ZFHX3: variants seen among roughly 807,000 people sequenced by gnomAD.
ZFHX3 encodes zinc finger homeobox 3.
A neutral mutation model predicts 279.1 loss-of-function variants in ZFHX3; 42 were observed. The ratio of observed to expected loss-of-function variants is 0.15; its 90% CI spans 0.12 to 0.19. The LOEUF (loss-of-function observed/expected upper bound fraction) is 0.19. ZFHX3 is among the 10% of genes least tolerant of loss of function. The pLI, the probability that ZFHX3 is intolerant of heterozygous loss-of-function variation, is 1.00. For synonymous variants in ZFHX3, 2,293 were observed against 1,957.8 expected, an observed-to-expected ratio of 1.17 and a Z score of -4.52; for missense variants, 4,981 against 4,754.0, an observed-to-expected ratio of 1.05 and a Z score of -1.40.
intron 2 of ZFHX3, among the ~76,000 whole-genome samples, chr16:73,544,572 C>T (rs983885800): frequency 6.6e-6 from 1 of 151,998 alleles, no homozygotes; most frequent in African/African-American, 2.4e-5. Context: ...CCAGAAACCT[C>T]GAGGGAAAGA....
chr16:73,084,818 C>T (rs958700985), intron 8 of ZFHX3, among the ~76,000 whole-genome samples: 1 of 152,066 alleles, frequency 6.6e-6, no homozygotes, highest in African/African-American at 2.4e-5. Context: ...CCGCGTCTGG[C>T]CATACCTAGA....
At chr16:73,855,216 C>CTTT (rs1032892286) in intron 1 of ZFHX3, among the ~76,000 whole-genome samples, 157 of 111,474 alleles carry the variant, frequency 1.4e-3, no homozygotes, top group East Asian at 4.4e-3. Context: ...AGGCGTTAGC[C>CTTT]TTTTTTTTTT....
chr16:73,491,401 G>A (rs1360220873), intron 2 of ZFHX3, among the ~76,000 whole-genome samples: 2 of 152,218 alleles, frequency 1.3e-5, no homozygotes, highest in Admixed American at 6.5e-5. Flanking sequence ...CACAGAGCAT[G>A]CAGATAGCTG....
At chr16:73,017,134 A>C (rs1964129784) in intron 1 of ZFHX3, among the ~76,000 whole-genome samples, 1 of 151,756 alleles carries the variant, frequency 6.6e-6, no homozygotes, top group African/African-American at 2.4e-5. Flanking sequence ...GTGCTGAGGC[A>C]GGAAGATCAC....
At chr16:73,386,571 G>A (rs1168559223) in intron 3 of ZFHX3, among the ~76,000 whole-genome samples, 4 of 152,166 alleles carry the variant, frequency 2.6e-5, no homozygotes, top group African/African-American at 9.6e-5. Flanking sequence ...TTTTCATAGG[G>A]AGCAATTCCT....
chr16:73,282,143 AT>A (rs917738228), intron 4 of ZFHX3, among the ~76,000 whole-genome samples: 16 of 152,080 alleles, frequency 1.1e-4, no homozygotes, highest in Non-Finnish European at 1.5e-4. Flanking sequence ...TTCCCTTTGT[AT>A]TTTTCCCCCA....
intron 5 of ZFHX3, among the ~76,000 whole-genome samples, chr16:73,198,355 T>G (rs534226178): frequency 6.6e-6 from 1 of 152,078 alleles, no homozygotes; most frequent in East Asian, 1.9e-4. Context: ...TTTTTTTTTT[T>G]TTTGAAGTTT....
chr16:72,823,657 A>G (rs1039912557), intron 5 of ZFHX3, among the ~76,000 whole-genome samples: 2 of 152,240 alleles, frequency 1.3e-5, no homozygotes, highest in African/African-American at 4.8e-5. Context: ...GAAAGTTATT[A>G]GCATTCCAAC....
chr16:73,616,388 A>G (rs1042760827), intron 2 of ZFHX3, among the ~76,000 whole-genome samples: 1 of 139,210 alleles, frequency 7.2e-6, no homozygotes, highest in African/African-American at 2.7e-5. Context: ...GTCTAAGTGG[A>G]GCATACTAGA....
At chr16:72,864,593 T>A (rs908956054) in intron 4 of ZFHX3, among the ~76,000 whole-genome samples, 11 of 152,192 alleles carry the variant, frequency 7.2e-5, no homozygotes, top group African/African-American at 2.7e-4. Flanking sequence ...AATCTTTCTC[T>A]AAACTTGTGA....
chr16:73,031,908 C>T (rs1276872222), intron 1 of ZFHX3, among the ~76,000 whole-genome samples: 1 of 151,720 alleles, frequency 6.6e-6, no homozygotes, highest in Non-Finnish European at 1.5e-5. Context: ...GGCAGCACCC[C>T]AATAGAATGC....
At chr16:73,751,936 A>C (rs1010255722) in intron 1 of ZFHX3, among the ~76,000 whole-genome samples, 25 of 152,200 alleles carry the variant, frequency 1.6e-4, no homozygotes, top group African/African-American at 5.8e-4. Flanking sequence ...ATGAGAAAAG[A>C]AGCCAGGTCA....
Position 73,496,517 on chromosome 16 carries a change from C to A in ZFHX3, c.-1546-40259G>T, listed in dbSNP as rs191752147. Among the ~76,000 whole-genome samples the A allele has an allele frequency of 2.0e-5, 3 of 152,240 alleles. No individual in the cohort carries two copies. In the South Asian group the frequency reaches 6.2e-4, roughly 32 times the overall value. On this transcript the variant is annotated intron_variant, in intron 2 of 17. Transcript: ENST00000641206. ...CTGCACTCCAGCCTGGGAGACACAGCGAGACTCCATCTTAAACAAACAAAC... is the reference window on the plus strand; with the variant it reads ...CTGCACTCCAGCCTGGGAGACACAGAGAGACTCCATCTTAAACAAACAAAC...
intron 4 of ZFHX3, among the ~76,000 whole-genome samples, chr16:73,287,575 G>A (rs1436896085): frequency 2.0e-5 from 3 of 148,096 alleles, no homozygotes; most frequent in Non-Finnish European, 4.5e-5. Flanking sequence ...TCGGTGTGTG[G>A]CTGTATGGGT....
chr16:73,202,016 C>T (rs557142542), intron 5 of ZFHX3, among the ~76,000 whole-genome samples: 1 of 152,074 alleles, frequency 6.6e-6, no homozygotes, highest in African/African-American at 2.4e-5. Flanking sequence ...CCAGAAAACA[C>T]CAAGAACATA....
intron 2 of ZFHX3, among the ~76,000 whole-genome samples, chr16:73,527,269 G>A (rs954661245): frequency 2.0e-5 from 3 of 152,178 alleles, no homozygotes; most frequent in African/African-American, 7.2e-5. Flanking sequence ...AGGATGTGAA[G>A]GGTTGTTGAC....
intron 3 of ZFHX3, among the ~76,000 whole-genome samples, chr16:73,347,098 G>C (rs1567456801): frequency 6.6e-6 from 1 of 152,182 alleles, no homozygotes; most frequent in Non-Finnish European, 1.5e-5. Context: ...TGATGCCAGA[G>C]CCATATAGAA....
intron 3 of ZFHX3, among the ~76,000 whole-genome samples, chr16:73,354,738 C>T (rs1312409932): frequency 6.6e-6 from 1 of 152,194 alleles, no homozygotes; most frequent in Non-Finnish European, 1.5e-5. Context: ...CCCCTAAAGT[C>T]CTCCTGAATA....
At chr16:73,554,654 G>C (rs769668050) in intron 2 of ZFHX3, 1 of 152,100 alleles carries the variant, frequency 6.6e-6, no homozygotes, top group African/African-American at 2.4e-5. Context: ...CACAGACCTC[G>C]GAATGGGAAG....
Sources: allele counts gnomAD v4.1 joint callset (sites outside exome capture counted in the v4.1 genomes callset), GRCh38; gene constraint gnomAD v4.1.1; transcripts MANE v1.5; gene names NCBI Gene and HGNC (gene_info 2026-07-23, HGNC 2026-07-21).